The following TMEM163 variants were observed in gnomAD, a reference collection of about 807,000 sequenced individuals.
TMEM163 encodes transmembrane protein 163.
Under a neutral mutation model 29.3 loss-of-function variants are expected in TMEM163, and 17 were observed. The ratio of observed to expected loss-of-function variants is 0.58; its 90% CI spans 0.40 to 0.87. The LOEUF (loss-of-function observed/expected upper bound fraction) is 0.87, where lower values mean the gene tolerates loss of function less well. TMEM163 is among the 40% of genes least tolerant of loss of function. The pLI, the probability that TMEM163 is intolerant of heterozygous loss-of-function variation, is 0.00. For missense variants in TMEM163, 303 were observed against 381.5 expected, an observed-to-expected ratio of 0.79 and a Z score of 1.71; for synonymous variants, 157 against 160.6, an observed-to-expected ratio of 0.98 and a Z score of 0.17.
intron 5 of TMEM163, among the ~76,000 whole-genome samples, chr2:134,500,429 C>T (rs1679672842): frequency 6.6e-6 from 1 of 152,190 alleles, no homozygotes; most frequent in Admixed American, 6.5e-5. Context: ...GAGGCCTTCC[C>T]CTCTGGAGAT....
At chr2:134,678,219 A>G (rs747446408) in intron 2 of TMEM163, among the ~76,000 whole-genome samples, 5 of 152,186 alleles carry the variant, frequency 3.3e-5, no homozygotes, top group Non-Finnish European at 5.9e-5. Flanking sequence ...GGAGCCACAG[A>G]GTGACTGCAG....
At chr2:134,543,169 C>A (rs1357181136) in intron 4 of TMEM163, among the ~76,000 whole-genome samples, 1 of 152,196 alleles carries the variant, frequency 6.6e-6, no homozygotes, top group Non-Finnish European at 1.5e-5. Flanking sequence ...ATCTTACCTG[C>A]AGCACCATAA....
At chr2:134,519,764 G>A (rs149194857) in intron 4 of TMEM163, among the ~76,000 whole-genome samples, 62 of 151,000 alleles carry the variant, frequency 4.1e-4, no homozygotes, top group African/African-American at 1.3e-3. Context: ...GGTGGTATAC[G>A]CCTGGAGTCC....
Position 134,718,717 on chromosome 2 carries a change from G to T in TMEM163, c.202+17C>A. ...AGCCACCCCGGTCGCCGGCCGGGTC[G>T]GGCAGCTCGCGCTCACCTCGGTCCT... On this transcript the variant is annotated intron_variant, in intron 1 of 7. Transcript: ENST00000281924. 8.7e-7 allele frequency: 1 copy of T among 1,146,062 alleles called. No individual in the cohort carries two copies. The highest frequency in any genetic ancestry group is 4.7e-5 in the Admixed American group (1 of 21,274). 71.0% of individuals were successfully genotyped at this position (1,146,062 alleles called of 1,614,324 possible).
intron 2 of TMEM163, among the ~76,000 whole-genome samples, chr2:134,711,042 C>T (rs942359237): frequency 6.6e-6 from 1 of 152,130 alleles, no homozygotes; most frequent in African/African-American, 2.4e-5. Flanking sequence ...TTACAAAAAC[C>T]TTTATTGCCA....
chr2:134,669,329 A>C (rs1683941489), intron 2 of TMEM163, among the ~76,000 whole-genome samples: 1 of 152,148 alleles, frequency 6.6e-6, no homozygotes, highest in African/African-American at 2.4e-5. Context: ...TCTATCCTTC[A>C]TCACACAGAA....
At chr2:134,526,347 C>T (rs1680300145) in intron 4 of TMEM163, among the ~76,000 whole-genome samples, 1 of 152,184 alleles carries the variant, frequency 6.6e-6, no homozygotes, top group Admixed American at 6.5e-5. Flanking sequence ...TAGTGTTCCA[C>T]ATCAGAAGTC....
intron 2 of TMEM163, among the ~76,000 whole-genome samples, chr2:134,610,993 C>T (rs1682494885): frequency 6.6e-6 from 1 of 152,046 alleles, no homozygotes; most frequent in African/African-American, 2.4e-5. Flanking sequence ...ACACAACTAG[C>T]ACATAGAATG....
At chr2:134,656,462 A>T (rs1435610955) in intron 2 of TMEM163, among the ~76,000 whole-genome samples, 1 of 151,962 alleles carries the variant, frequency 6.6e-6, no homozygotes, top group African/African-American at 2.4e-5. Flanking sequence ...CTCCCTAGTG[A>T]GAGAAACCCG....
intron 2 of TMEM163, among the ~76,000 whole-genome samples, chr2:134,632,705 C>A (rs1285298657): frequency 2.0e-5 from 3 of 151,450 alleles, no homozygotes; most frequent in Non-Finnish European, 4.4e-5. Context: ...GTGGCAAAGC[C>A]TCATGTCTTT....
rs146395588 is a variant in TMEM163 at position 134,584,286 on chromosome 2, G to A, written c.323-32195C>T. ...GAAATGAAGAACATAAACAGATCACGCTGCCAAGAGACGGCTGCATCAGGG... is the reference window on the plus strand; with the variant it reads ...GAAATGAAGAACATAAACAGATCACACTGCCAAGAGACGGCTGCATCAGGG... On this transcript the variant is annotated intron_variant, in intron 2 of 7. Transcript: ENST00000281924. 5.1e-3 allele frequency among the ~76,000 whole-genome samples: 771 copies of A among 152,278 alleles called. 2 individuals are homozygous for A. Among genetic ancestry groups the A allele is most frequent in the Middle Eastern group, 0.02 (6 of 294 alleles).
chr2:134,590,160 C>T (rs1371740508), intron 2 of TMEM163, among the ~76,000 whole-genome samples: 2 of 151,810 alleles, frequency 1.3e-5, no homozygotes, highest in African/African-American at 4.8e-5. Flanking sequence ...ACAAGTATAC[C>T]CAAGCTAATT....
chr2:134,575,736 G>C (rs1052668898), intron 2 of TMEM163, among the ~76,000 whole-genome samples: 2 of 152,152 alleles, frequency 1.3e-5, no homozygotes, highest in Admixed American at 6.5e-5. Context: ...CATGGAGAGA[G>C]AACACAAAAG....
chr2:134,692,399 T>A (rs2104884418), intron 2 of TMEM163, among the ~76,000 whole-genome samples: 1 of 152,340 alleles, frequency 6.6e-6, no homozygotes, highest in South Asian at 2.1e-4. Context: ...TAGTTCCTTA[T>A]CATCTTCCTA....
At position 134,586,244 on chromosome 2, in the gene TMEM163, A is replaced by G. The variant is rs1681820226; in HGVS notation, c.323-34153T>C. On this transcript the variant is annotated intron_variant, in intron 2 of 7. Coordinates refer to ENST00000281924, the MANE Select transcript of TMEM163 (RefSeq NM_030923.5). ...GCAAGGGCTGCCAAAACAAAGTAAC[A>G]CAAACTAGGTGGCTTAACCAGGAGA... Among the ~76,000 whole-genome samples the G allele has an allele frequency of 1.3e-5, 2 of 152,214 alleles. 1 individual carries two copies. Among genetic ancestry groups the G allele is most frequent in the South Asian group, 4.1e-4 (2 of 4,830 alleles).
chr2:134,541,338 T>C (rs1680662298), intron 4 of TMEM163, among the ~76,000 whole-genome samples: 1 of 152,370 alleles, frequency 6.6e-6, no homozygotes, highest in South Asian at 2.1e-4. Context: ...TTATAACTCT[T>C]AGTGCTGGCA....
chr2:134,568,536 A>G (rs1055599545), intron 2 of TMEM163, among the ~76,000 whole-genome samples: 2 of 151,944 alleles, frequency 1.3e-5, no homozygotes, highest in African/African-American at 2.4e-5. Context: ...GAAAGAAAGA[A>G]AAGAAAGAGA....
intron 2 of TMEM163, among the ~76,000 whole-genome samples, chr2:134,604,467 A>T (rs886918595): frequency 1.3e-5 from 2 of 151,708 alleles, no homozygotes; most frequent in Non-Finnish European, 2.9e-5. Context: ...AAATAAAGCA[A>T]GACATTTTCT....
intron 2 of TMEM163, among the ~76,000 whole-genome samples, chr2:134,698,538 C>A (rs1684627668): frequency 6.6e-6 from 1 of 152,068 alleles, no homozygotes; most frequent in African/African-American, 2.4e-5. Context: ...GTTGATTTCT[C>A]ATATCTTTTT....
Sources: gnomAD v4.1 joint callset for allele counts (sites outside exome capture counted in the v4.1 genomes callset) on GRCh38, gnomAD v4.1.1 for gene constraint, MANE v1.5 for transcripts, NCBI Gene and HGNC (gene_info 2026-07-23, HGNC 2026-07-21) for gene names.